The following RIPOR2 variants were observed in gnomAD, a reference collection of about 807,000 sequenced individuals.
RIPOR2 encodes the protein RHO family interacting cell polarization regulator 2.
Under a neutral mutation model 114.5 loss-of-function variants are expected in RIPOR2, and 39 were observed. That is an observed-to-expected ratio of 0.34 (90% CI 0.26 to 0.44). The LOEUF (loss-of-function observed/expected upper bound fraction) is 0.44. Ranked by LOEUF, RIPOR2 falls within the 20% of genes least tolerant of loss-of-function variation. The probability of loss-of-function intolerance (pLI) is 1.00; values close to 1 mark genes in which losing one functional copy is unlikely to be tolerated. For synonymous variants in RIPOR2, 445 were observed against 484.4 expected, an observed-to-expected ratio of 0.92 and a Z score of 1.07; for missense variants, 1,007 against 1,255.1, an observed-to-expected ratio of 0.80 and a Z score of 2.99.
intron 6 of RIPOR2, among the ~76,000 whole-genome samples, chr6:24,866,414 C>A (rs1000036153): frequency 1.3e-5 from 2 of 152,086 alleles, no homozygotes; most frequent in African/African-American, 4.8e-5. Flanking sequence ...CTACTGGCAT[C>A]TAGTGGGTAG....
At chr6:24,913,150 AGTGTGTGT>A (rs10598852) in intron 1 of RIPOR2, among the ~76,000 whole-genome samples, 62 of 149,220 alleles carry the variant, frequency 4.2e-4, no homozygotes, top group East Asian at 2.4e-3. Context: ...GCATGACTTG[AGTGTGTGT>A]GTGTGTGTGT....
At chr6:24,968,827 C>G (rs1773648553) in intron 1 of RIPOR2, among the ~76,000 whole-genome samples, 3 of 152,262 alleles carry the variant, frequency 2.0e-5, no homozygotes, top group African/African-American at 7.2e-5. Context: ...ACAGTACAGT[C>G]TTCAGCACCA....
chr6:24,844,636 C>A (rs953960960), intron 12 of RIPOR2, among the ~76,000 whole-genome samples: 4 of 151,896 alleles, frequency 2.6e-5, no homozygotes, highest in African/African-American at 9.7e-5. Flanking sequence ...ACGCCCCCAG[C>A]TAATTTTTGT....
chr6:24,834,863 A>G (rs577027473), intron 15 of RIPOR2, among the ~76,000 whole-genome samples: 7 of 151,882 alleles, frequency 4.6e-5, no homozygotes, highest in Admixed American at 3.9e-4. Flanking sequence ...GGCTCAAACA[A>G]TCTTCCTGCT....
intron 14 of RIPOR2, among the ~76,000 whole-genome samples, chr6:24,837,986 G>T (rs960590010): frequency 1.3e-5 from 2 of 152,200 alleles, no homozygotes; most frequent in African/African-American, 4.8e-5. Flanking sequence ...TTTTGGGAAA[G>T]TGTGTTTTCT....
intron 1 of RIPOR2, among the ~76,000 whole-genome samples, chr6:24,876,312 A>T (rs1035768204): frequency 1.3e-5 from 2 of 152,114 alleles, no homozygotes; most frequent in African/African-American, 4.8e-5. Context: ...AAGAAGAAAG[A>T]AAAGAAAATA....
intron 1 of RIPOR2, among the ~76,000 whole-genome samples, chr6:24,887,370 T>C (rs1335634163): frequency 6.6e-6 from 1 of 152,210 alleles, no homozygotes; most frequent in African/African-American, 2.4e-5. Context: ...ACCTGCTCTC[T>C]CTAAGCCCTA....
intron 1 of RIPOR2, among the ~76,000 whole-genome samples, chr6:24,902,517 C>T (rs1768578361): frequency 6.6e-6 from 1 of 152,146 alleles, no homozygotes; most frequent in African/African-American, 2.4e-5. Flanking sequence ...GCGACTGGCA[C>T]TTTTCCTTCT....
intron 1 of RIPOR2, among the ~76,000 whole-genome samples, chr6:24,911,453 A>G (rs536640789): frequency 6.6e-6 from 1 of 152,030 alleles, no homozygotes; most frequent in Non-Finnish European, 1.5e-5. Context: ...CTGTGCATTG[A>G]AAAAAATGAG....
intron 7 of RIPOR2, among the ~76,000 whole-genome samples, chr6:24,864,072 C>T (rs996320102): frequency 4.6e-5 from 7 of 152,250 alleles, no homozygotes; most frequent in African/African-American, 1.7e-4. Flanking sequence ...GAGGCAGAGG[C>T]GAGTGGATCA....
intron 12 of RIPOR2, among the ~76,000 whole-genome samples, chr6:24,847,141 C>T (rs1762386261): frequency 1.3e-5 from 2 of 152,012 alleles, no homozygotes; most frequent in South Asian, 4.1e-4. Context: ...TTAGTAGAGG[C>T]AGGGTTTGAC....
At chr6:24,983,406 T>C (rs1220543031) in intron 1 of RIPOR2, among the ~76,000 whole-genome samples, 1 of 152,142 alleles carries the variant, frequency 6.6e-6, no homozygotes, top group African/African-American at 2.4e-5. Flanking sequence ...TGGGTTCTAA[T>C]TATGGCAAAG....
chr6:25,013,642 T>A (rs549164720), intron 1 of RIPOR2, among the ~76,000 whole-genome samples: 11 of 152,212 alleles, frequency 7.2e-5, no homozygotes, highest in Non-Finnish European at 1.5e-4. Flanking sequence ...ATGTAAATCA[T>A]ATTTGTGGGC....
intron 1 of RIPOR2, among the ~76,000 whole-genome samples, chr6:24,890,305 A>G (rs1422092719): frequency 3.3e-5 from 5 of 152,360 alleles, no homozygotes; most frequent in African/African-American, 1.2e-4. Context: ...TATACACAAT[A>G]CAATACTATT....
intron 1 of RIPOR2, among the ~76,000 whole-genome samples, chr6:25,001,865 AT>A (rs1041729409): frequency 1.3e-5 from 2 of 150,302 alleles, no homozygotes; most frequent in African/African-American, 4.9e-5. Flanking sequence ...ATGCCTGGCT[AT>A]TTTTTTCTTT....
chr6:24,840,522 G>A (rs1310043649), intron 13 of RIPOR2: 2 of 1,421,688 alleles, frequency 1.4e-6, no homozygotes, highest in Non-Finnish European at 1.8e-6. Flanking sequence ...TGCTGGGGTG[G>A]GTCGAATGGG....
chr6:24,840,219 C>T (rs1398566786), intron 13 of RIPOR2: 1 of 997,680 alleles, frequency 1.0e-6, no homozygotes, highest in Non-Finnish European at 1.2e-6. Flanking sequence ...GTTGGGATTA[C>T]AGGCATGAGC....
intron 18 of RIPOR2, among the ~76,000 whole-genome samples, 164 bp downstream of exon 18, chr6:24,827,973 G>T (rs1427514146): frequency 6.6e-6 from 1 of 152,114 alleles, no homozygotes; most frequent in Non-Finnish European, 1.5e-5. Flanking sequence ...TTAACAAGGG[G>T]CTCACTAATG....
intron 1 of RIPOR2, among the ~76,000 whole-genome samples, chr6:24,974,812 A>C (rs963827343): frequency 3.3e-5 from 5 of 152,242 alleles, no homozygotes; most frequent in African/African-American, 1.2e-4. Flanking sequence ...ACTTGGCAAC[A>C]AAAAGTAAGA....
Sources: allele counts gnomAD v4.1 joint callset (sites outside exome capture counted in the v4.1 genomes callset), GRCh38; gene constraint gnomAD v4.1.1; transcripts MANE v1.5; gene names NCBI Gene and HGNC (gene_info 2026-07-23, HGNC 2026-07-21).